GPM6A: variants seen among roughly 807,000 people sequenced by gnomAD.
The protein encoded by GPM6A is glycoprotein M6A.
Under a neutral mutation model 32.1 loss-of-function variants are expected in GPM6A, and 7 were observed. The observed-to-expected ratio is 0.22, with a 90% CI of 0.12 to 0.41. GPM6A has a LOEUF of 0.41. Ranked by LOEUF, GPM6A falls within the 10% of genes least tolerant of loss-of-function variation. The pLI, the probability that GPM6A is intolerant of heterozygous loss-of-function variation, is 1.00. For missense variants in GPM6A, 235 were observed against 347.2 expected, an observed-to-expected ratio of 0.68 and a Z score of 2.57; for synonymous variants, 130 against 123.4, an observed-to-expected ratio of 1.05 and a Z score of -0.35.
rs542002893 is a variant in GPM6A, at chr4:175,932,046, G to A, written c.-23+70263C>T. ...GGAATTCAAGGCTTCAGTGAGCTAT[G>A]ATTGTGCCACTGCACTCCAGCCTGC... On this transcript the variant is annotated intron_variant, in intron 1 of 7. Transcript: ENST00000280187. 1.1e-4 allele frequency among the ~76,000 whole-genome samples: 17 copies of A among 149,230 alleles called. No homozygotes were observed. In the South Asian group the frequency reaches 3.6e-3, roughly 31 times the overall value.
intron 1 of GPM6A, among the ~76,000 whole-genome samples, chr4:175,857,604 C>T (rs1275718355): frequency 2.0e-5 from 3 of 151,904 alleles, no homozygotes; most frequent in Non-Finnish European, 2.9e-5. Flanking sequence ...ATTAGATGCA[C>T]GTGGTCTGAA....
chr4:175,676,188 T>C (rs1016526041), intron 2 of GPM6A, among the ~76,000 whole-genome samples: 1 of 152,176 alleles, frequency 6.6e-6, no homozygotes, highest in Admixed American at 6.5e-5. Context: ...TCCAGTTGGC[T>C]GAACTGTGAG....
intron 1 of GPM6A, among the ~76,000 whole-genome samples, chr4:175,932,279 G>A (rs1739075424): frequency 1.3e-5 from 2 of 152,082 alleles, no homozygotes; most frequent in African/African-American, 4.8e-5. Context: ...CATCATGAAG[G>A]GGATTAAGGC....
chr4:175,851,444 C>T (rs992284837), intron 1 of GPM6A, among the ~76,000 whole-genome samples: 98 of 147,844 alleles, frequency 6.6e-4, no homozygotes, highest in African/African-American at 2.3e-3. Flanking sequence ...GAGATTGTGC[C>T]ATTGCACTCC....
At chr4:175,738,305 T>C (rs1347147489) in intron 1 of GPM6A, among the ~76,000 whole-genome samples, 2 of 152,070 alleles carry the variant, frequency 1.3e-5, no homozygotes, top group African/African-American at 4.8e-5. Flanking sequence ...GTTCAAACCA[T>C]GTCAGCCACC....
intron 1 of GPM6A, among the ~76,000 whole-genome samples, chr4:175,925,852 T>TTC (rs1738822376): frequency 6.9e-6 from 1 of 144,312 alleles, no homozygotes; most frequent in African/African-American, 2.7e-5. Context: ...TTTCTTTTCT[T>TTC]TTTTTTTTTT....
chr4:175,974,465 C>A (rs1257887303), intron 1 of GPM6A, among the ~76,000 whole-genome samples: 1 of 152,180 alleles, frequency 6.6e-6, no homozygotes, highest in African/African-American at 2.4e-5. Context: ...AAGCGATTCT[C>A]CAGCCTCAGC....
chr4:175,822,285 T>C (rs1735299557), intron 1 of GPM6A, among the ~76,000 whole-genome samples: 1 of 152,168 alleles, frequency 6.6e-6, no homozygotes, highest in African/African-American at 2.4e-5. Context: ...CAATTTAATA[T>C]TTTGAAAACT....
intron 1 of GPM6A, among the ~76,000 whole-genome samples, chr4:175,921,844 A>G (rs1235827809): frequency 1.3e-5 from 2 of 152,222 alleles, no homozygotes; most frequent in Admixed American, 1.3e-4. Flanking sequence ...AAAAATGGCA[A>G]CACAAATTAT....
At chr4:175,747,771 T>C (rs1732166910) in intron 1 of GPM6A, among the ~76,000 whole-genome samples, 1 of 151,750 alleles carries the variant, frequency 6.6e-6, no homozygotes, top group Non-Finnish European at 1.5e-5. Flanking sequence ...TGTCAATTTC[T>C]TAAAATAAGA....
At chr4:175,837,420 G>A (rs1735802566) in intron 1 of GPM6A, among the ~76,000 whole-genome samples, 1 of 152,204 alleles carries the variant, frequency 6.6e-6, no homozygotes, top group South Asian at 2.1e-4. Flanking sequence ...AGGCTGCGCT[G>A]TTGAGAATAA....
chr4:175,987,072 C>T (rs996888005), intron 1 of GPM6A, among the ~76,000 whole-genome samples: 1 of 152,200 alleles, frequency 6.6e-6, no homozygotes, highest in Non-Finnish European at 1.5e-5. Flanking sequence ...TGCCCATATA[C>T]ACCATATAAA....
At chr4:175,907,619 T>C (rs1408842699) in intron 1 of GPM6A, among the ~76,000 whole-genome samples, 1 of 152,160 alleles carries the variant, frequency 6.6e-6, no homozygotes, top group Non-Finnish European at 1.5e-5. Flanking sequence ...CTTGCCCTTC[T>C]GTCCTGAAAC....
rs1335779462 is a variant in GPM6A at position 175,633,244 on chromosome 4, T to C, written c.*1661A>G. On this transcript the variant is annotated 3_prime_UTR_variant, in exon 7 of 7. Coordinates refer to ENST00000393658, the MANE Select transcript of GPM6A (RefSeq NM_201591.3). The stretch of plus-strand genomic sequence containing the variant: ...CCCATTAATACTTTTGCTGAATATC[T>C]GTAATACTGCATATATCAGAAAAAT... 1 of 152,488 alleles carries C rather than the reference T, an allele frequency of 6.6e-6. No individual in the cohort carries two copies. Among genetic ancestry groups the C allele is most frequent in the South Asian group, 2.1e-4 (1 of 4,832 alleles). 9.4% of individuals were successfully genotyped at this position (152,488 alleles called of 1,614,324 possible). A position where few individuals can be genotyped will look rare whatever the true frequency, so the allele number is the denominator to read the frequency against.
chr4:175,676,499 A>G (rs1159425003), intron 2 of GPM6A, among the ~76,000 whole-genome samples: 2 of 152,224 alleles, frequency 1.3e-5, no homozygotes, highest in East Asian at 3.9e-4. Context: ...CTGCAATCCC[A>G]CCGCTTCGAG....
At chr4:175,887,414 ATTAAACAGTACT>A (rs1156468106) in intron 1 of GPM6A, among the ~76,000 whole-genome samples, 1 of 152,026 alleles carries the variant, frequency 6.6e-6, no homozygotes, top group Non-Finnish European at 1.5e-5. Flanking sequence ...AGGAATGCAG[ATTAAACAGTACT>A]GGAAAATTTA....
rs372530698 is a variant in GPM6A, at chr4:175,927,423, C to A, written c.-23+74886G>T. 6.6e-5 allele frequency among the ~76,000 whole-genome samples: 10 copies of A among 152,284 alleles called. No homozygotes were observed. In the East Asian group the frequency reaches 1.2e-3, roughly 18 times the overall value. Reference sequence around the variant, plus strand: ...GCATTTTTTTAATAGCTAGAAGAGACGTATGATTCCCTGAAAAGGAAAGCT... The same window carrying A: ...GCATTTTTTTAATAGCTAGAAGAGAAGTATGATTCCCTGAAAAGGAAAGCT... On this transcript the variant is annotated intron_variant, in intron 1 of 7. Coordinates refer to the GPM6A transcript ENST00000280187.
chr4:175,853,166 A>G (rs1364276752), intron 1 of GPM6A, among the ~76,000 whole-genome samples: 2 of 152,064 alleles, frequency 1.3e-5, no homozygotes, highest in African/African-American at 4.8e-5. Flanking sequence ...ATTTCAAACC[A>G]TTTTGGTTCA....
chr4:175,960,433 G>A (rs1487735837), intron 1 of GPM6A, among the ~76,000 whole-genome samples: 1 of 152,086 alleles, frequency 6.6e-6, no homozygotes, highest in East Asian at 1.9e-4. Context: ...TTTTACATTT[G>A]TATTTTATTT....
Sources: allele counts gnomAD v4.1 joint callset (sites outside exome capture counted in the v4.1 genomes callset), GRCh38; gene constraint gnomAD v4.1.1; transcripts MANE v1.5; gene names NCBI Gene and HGNC (gene_info 2026-07-23, HGNC 2026-07-21).